PXDNL: variants seen among roughly 807,000 people sequenced by gnomAD.
PXDNL encodes the protein probable oxidoreductase PXDNL.
PXDNL carries 145 observed loss-of-function variants against 150.8 expected under a neutral mutation model. The ratio of observed to expected loss-of-function variants is 0.96; its 90% confidence interval spans 0.84 to 1.10. PXDNL has a LOEUF of 1.10. Among genes scored for constraint, PXDNL ranks in the 50% least tolerant of loss-of-function variants. The probability of loss-of-function intolerance (pLI) is 0.00; values close to 1 mark genes in which losing one functional copy is unlikely to be tolerated. For missense variants in PXDNL, 2,087 were observed against 1,873.9 expected (o/e 1.11, Z -2.10); for synonymous variants, 757 against 725.7 (o/e 1.04, Z -0.69).
rs1381326019 is a variant in PXDNL, at chr8:51,564,093, C to A, written c.309-7182G>T. Among the ~76,000 whole-genome samples the A allele has an allele frequency of 2.0e-5, 3 of 151,904 alleles. No homozygotes were observed. In the East Asian group the frequency reaches 5.8e-4, roughly 30 times the overall value. On this transcript the variant is annotated intron_variant, in intron 3 of 22. Coordinates refer to ENST00000356297, the MANE Select transcript of PXDNL (RefSeq NM_144651.5). ...AAAGATCCTACATTTAATTACCTCCCAGTATAAAAGGACACTTGCTATTCA... is the reference window on the plus strand; with the variant it reads ...AAAGATCCTACATTTAATTACCTCCAAGTATAAAAGGACACTTGCTATTCA...
intron 2 of PXDNL, among the ~76,000 whole-genome samples, chr8:51,654,253 G>T (rs1318306047): frequency 1.3e-5 from 2 of 152,124 alleles, no homozygotes; most frequent in Non-Finnish European, 2.9e-5. Flanking sequence ...TCATAAAACA[G>T]CATCTCTACA....
At chr8:51,498,558 T>C (rs1482557535) in intron 5 of PXDNL, among the ~76,000 whole-genome samples, 1 of 152,190 alleles carries the variant, frequency 6.6e-6, no homozygotes, top group East Asian at 1.9e-4. Flanking sequence ...TTGTTTGTCA[T>C]TGTTTATTTA....
intron 2 of PXDNL, among the ~76,000 whole-genome samples, chr8:51,647,745 T>C (rs1428409675): frequency 6.6e-6 from 1 of 150,902 alleles, no homozygotes; most frequent in Admixed American, 6.6e-5. Context: ...TCAGCTATAA[T>C]ATAAGGATCA....
intron 3 of PXDNL, among the ~76,000 whole-genome samples, chr8:51,590,837 G>A (rs1350641548): frequency 1.3e-5 from 2 of 152,056 alleles, no homozygotes; most frequent in African/African-American, 4.8e-5. Context: ...TTGGACTTTT[G>A]AGTTTGTGCT....
intron 10 of PXDNL, among the ~76,000 whole-genome samples, chr8:51,451,912 C>T (rs1809816501): frequency 6.6e-6 from 1 of 152,092 alleles, no homozygotes; most frequent in Admixed American, 6.5e-5. Flanking sequence ...CCAAAAGTGA[C>T]ACAAGTAGAT....
chr8:51,411,654 A>G (rs1457840083), intron 15 of PXDNL, among the ~76,000 whole-genome samples: 2 of 152,196 alleles, frequency 1.3e-5, no homozygotes, highest in African/African-American at 4.8e-5. Context: ...GATTTAAACA[A>G]TAGTTTTAGG....
intron 1 of PXDNL, among the ~76,000 whole-genome samples, chr8:51,742,883 T>C (rs1004856968): frequency 1.3e-5 from 2 of 152,128 alleles, no homozygotes. Flanking sequence ...GACAATCAAA[T>C]GCAGCATGCT....
intron 17 of PXDNL, among the ~76,000 whole-genome samples, chr8:51,382,850 G>C (rs1807591918): frequency 6.6e-6 from 1 of 152,194 alleles, no homozygotes; most frequent in Admixed American, 6.5e-5. Context: ...AGAAGTTTTA[G>C]AAGTTAGAAC....
intron 8 of PXDNL, among the ~76,000 whole-genome samples, chr8:51,461,416 G>A (rs1024085915): frequency 2.0e-5 from 3 of 152,228 alleles, no homozygotes; most frequent in Non-Finnish European, 2.9e-5. Context: ...CAGAAGGCTT[G>A]GGATAAAACC....
At chr8:51,518,622 C>A (rs1039180589) in intron 4 of PXDNL, among the ~76,000 whole-genome samples, 3 of 152,064 alleles carry the variant, frequency 2.0e-5, no homozygotes, top group Non-Finnish European at 4.4e-5. Flanking sequence ...TAAATCATAG[C>A]AGAAAATAAT....
intron 3 of PXDNL, among the ~76,000 whole-genome samples, chr8:51,586,112 G>A (rs1363358406): frequency 6.6e-6 from 1 of 152,174 alleles, no homozygotes; most frequent in Non-Finnish European, 1.5e-5. Flanking sequence ...TGTTTCTCCA[G>A]TGCTGAATCA....
intron 4 of PXDNL, among the ~76,000 whole-genome samples, chr8:51,552,168 A>C (rs905821817): frequency 5.9e-5 from 9 of 152,196 alleles, no homozygotes; most frequent in Non-Finnish European, 1.0e-4. Context: ...TGTAATTAAA[A>C]AACCAAAAAA....
In PXDNL at chr8:51,319,821, A is replaced by C; in HGVS notation, c.*70T>G. On this transcript the variant is annotated 3_prime_UTR_variant, in exon 23 of 23. Coordinates refer to ENST00000356297, the MANE Select transcript of PXDNL (RefSeq NM_144651.5). The stretch of plus-strand genomic sequence containing the variant: ...TATCAACAATGTGACTACAAGTTAA[A>C]AGTTCTGAAGTCCTAAATGTCTCTT... 5 of 1,355,142 alleles carry C rather than the reference A, an allele frequency of 3.7e-6. No homozygotes were observed. Among genetic ancestry groups the C allele is most frequent in the Non-Finnish European group, 4.8e-6 (5 of 1,037,540 alleles). The allele number at this position is 1,355,142 out of a possible 1,614,324, so 83.9% of individuals were successfully genotyped here.
intron 1 of PXDNL, among the ~76,000 whole-genome samples, chr8:51,771,440 C>T (rs1161082801): frequency 2.0e-5 from 3 of 152,174 alleles, no homozygotes; most frequent in African/African-American, 7.2e-5. Flanking sequence ...CCACTGTAAT[C>T]CTCACATGGC....
intron 6 of PXDNL, among the ~76,000 whole-genome samples, chr8:51,482,773 C>A (rs1810632489): frequency 6.6e-6 from 1 of 152,178 alleles, no homozygotes; most frequent in African/African-American, 2.4e-5. Context: ...CATCTTCTGC[C>A]ATGATTGTGA....
At chr8:51,434,874 G>A (rs1032999410) in intron 12 of PXDNL, among the ~76,000 whole-genome samples, 15 of 152,214 alleles carry the variant, frequency 9.9e-5, no homozygotes, top group African/African-American at 3.1e-4. Context: ...ACAGAGATGA[G>A]GTAGTAAAAA....
chr8:51,604,894 T>C (rs1030222522), intron 2 of PXDNL, among the ~76,000 whole-genome samples: 1 of 152,174 alleles, frequency 6.6e-6, no homozygotes, highest in Non-Finnish European at 1.5e-5. Flanking sequence ...TCACATGACT[T>C]CCATTTTAGT....
intron 8 of PXDNL, among the ~76,000 whole-genome samples, chr8:51,469,287 G>A (rs902973160): frequency 1.6e-4 from 24 of 152,006 alleles, no homozygotes; most frequent in Admixed American, 2.0e-4. Flanking sequence ...TCAATGTTGT[G>A]ATCACAGTGA....
chr8:51,596,807 C>A (rs1314136202), intron 2 of PXDNL, among the ~76,000 whole-genome samples: 1 of 151,990 alleles, frequency 6.6e-6, no homozygotes, highest in Admixed American at 6.6e-5. Flanking sequence ...AGATAGTAGA[C>A]CTTTATCGGA....
Sources: gnomAD v4.1 joint callset for allele counts (sites outside exome capture counted in the v4.1 genomes callset) on GRCh38, gnomAD v4.1.1 for gene constraint, MANE v1.5 for transcripts, NCBI Gene and HGNC (gene_info 2026-07-23, HGNC 2026-07-21) for gene names.